Variants in SLC24A3 observed in about 807,000 individuals in gnomAD.
SLC24A3 encodes the protein solute carrier family 24 member 3, also known as sodium/potassium/calcium exchanger 3.
Under a neutral mutation model 75.8 loss-of-function variants are expected in SLC24A3, and 28 were observed. The ratio of observed to expected loss-of-function variants is 0.37; its 90% CI spans 0.27 to 0.51. The LOEUF is 0.51. Among genes scored for constraint, SLC24A3 ranks in the 20% least tolerant of loss-of-function variants. The pLI, the probability that SLC24A3 is intolerant of heterozygous loss-of-function variation, is 0.94. For synonymous variants in SLC24A3, 372 were observed against 334.1 expected (o/e 1.11, Z -1.24); for missense variants, 663 against 847.8 (o/e 0.78, Z 2.71).
In SLC24A3 at chr20:19,381,645, T is replaced by C. The variant is rs146479407; in HGVS notation, c.271+100558T>C. Among the ~76,000 whole-genome samples the C allele has an allele frequency of 1.8e-4, 27 of 152,346 alleles. No individual in the cohort carries two copies. The East Asian group carries it at 3.7e-3, about 21-fold the overall frequency. On this transcript the variant is annotated intron_variant, in intron 2 of 16. Transcript: ENST00000328041. ...CTTCCAGGAGAAGGAGATGAGCAGC[T>C]CTGATAGAGTAGCATCCGCTTTCAA...
At chr20:19,658,452 C>G (rs2032289860) in intron 7 of SLC24A3, among the ~76,000 whole-genome samples, 2 of 152,208 alleles carry the variant, frequency 1.3e-5, no homozygotes, top group South Asian at 4.1e-4. Flanking sequence ...CGATCCACTT[C>G]CCTATTCGGG....
chr20:19,391,315 A>G (rs976007530), intron 2 of SLC24A3, among the ~76,000 whole-genome samples: 2 of 152,168 alleles, frequency 1.3e-5, no homozygotes, highest in Non-Finnish European at 2.9e-5. Context: ...TGACTGAGTA[A>G]CTATGGGTGA....
At chr20:19,436,868 C>G (rs940891575) in intron 2 of SLC24A3, among the ~76,000 whole-genome samples, 1 of 152,196 alleles carries the variant, frequency 6.6e-6, no homozygotes, top group Non-Finnish European at 1.5e-5. Flanking sequence ...CATGTCTCCA[C>G]TTTTGATCAA....
At chr20:19,575,973 G>A (rs1193616690) in intron 3 of SLC24A3, among the ~76,000 whole-genome samples, 1 of 152,110 alleles carries the variant, frequency 6.6e-6, no homozygotes, top group East Asian at 1.9e-4. Flanking sequence ...GAGATAGCTG[G>A]GCTCTGTGGG....
At chr20:19,466,927 C>T (rs189481074) in intron 2 of SLC24A3, among the ~76,000 whole-genome samples, 15 of 152,190 alleles carry the variant, frequency 9.9e-5, no homozygotes, top group African/African-American at 2.9e-4. Context: ...TCTGGGCACA[C>T]TGAGGAATAA....
chr20:19,581,525 T>C (rs2031218174), intron 4 of SLC24A3, among the ~76,000 whole-genome samples: 1 of 152,152 alleles, frequency 6.6e-6, no homozygotes, highest in Non-Finnish European at 1.5e-5. Context: ...TGTGAGTCTT[T>C]TAACAAAAAA....
At chr20:19,412,892 T>C (rs1303515332) in intron 2 of SLC24A3, among the ~76,000 whole-genome samples, 1 of 152,202 alleles carries the variant, frequency 6.6e-6, no homozygotes. Context: ...TTCTCTTTGA[T>C]GTATCTCTGT....
chr20:19,267,546 A>G (rs1309751505), intron 1 of SLC24A3, among the ~76,000 whole-genome samples: 1 of 152,210 alleles, frequency 6.6e-6, no homozygotes. Context: ...ATTGAATTTT[A>G]ATTTCAATTT....
intron 7 of SLC24A3, among the ~76,000 whole-genome samples, chr20:19,661,314 T>C (rs2032323780): frequency 6.6e-6 from 1 of 152,168 alleles, no homozygotes; most frequent in Non-Finnish European, 1.5e-5. Context: ...ATCAAGCCTA[T>C]AAGACATCCT....
At chr20:19,393,447 G>A (rs562770449) in intron 2 of SLC24A3, among the ~76,000 whole-genome samples, 2 of 152,112 alleles carry the variant, frequency 1.3e-5, no homozygotes, top group South Asian at 2.1e-4. Context: ...TCTGTCATAG[G>A]CAACATGATC....
chr20:19,400,167 T>C (rs1334596254), intron 2 of SLC24A3, among the ~76,000 whole-genome samples: 1 of 152,222 alleles, frequency 6.6e-6, no homozygotes, highest in African/African-American at 2.4e-5. Flanking sequence ...GTTTTTCTAC[T>C]CCTTTGTACA....
At chr20:19,589,667 C>T (rs1008688171) in intron 6 of SLC24A3, among the ~76,000 whole-genome samples, 2 of 152,202 alleles carry the variant, frequency 1.3e-5, no homozygotes, top group Non-Finnish European at 2.9e-5. Flanking sequence ...AGGGCCAGGA[C>T]ATCTTGCATT....
intron 2 of SLC24A3, among the ~76,000 whole-genome samples, chr20:19,349,396 A>G (rs906724220): frequency 6.6e-6 from 1 of 152,068 alleles, no homozygotes; most frequent in African/African-American, 2.4e-5. Flanking sequence ...AGGCGTTACT[A>G]CTTAGTATGT....
intron 2 of SLC24A3, among the ~76,000 whole-genome samples, chr20:19,293,978 G>A (rs1568581328): frequency 6.6e-6 from 1 of 152,154 alleles, no homozygotes; most frequent in East Asian, 1.9e-4. Flanking sequence ...ATATAAAATG[G>A]CATAGCATTT....
At chr20:19,565,528 C>T (rs557355909) in intron 3 of SLC24A3, among the ~76,000 whole-genome samples, 5 of 152,144 alleles carry the variant, frequency 3.3e-5, no homozygotes, top group Non-Finnish European at 5.9e-5. Flanking sequence ...TGAGGTGTCA[C>T]CTGGCATCAC....
intron 2 of SLC24A3, among the ~76,000 whole-genome samples, chr20:19,450,532 C>T (rs1437320236): frequency 6.6e-6 from 1 of 152,152 alleles, no homozygotes; most frequent in Non-Finnish European, 1.5e-5. Context: ...GTTACCTTTG[C>T]ACCTGCCCAG....
At chr20:19,441,542 G>A (rs1987299398) in intron 2 of SLC24A3, among the ~76,000 whole-genome samples, 1 of 152,102 alleles carries the variant, frequency 6.6e-6, no homozygotes, top group African/African-American at 2.4e-5. Context: ...TAGTTTTAGA[G>A]TTACAGAAAA....
At chr20:19,315,028 A>G (rs1030273786) in intron 2 of SLC24A3, among the ~76,000 whole-genome samples, 1 of 152,228 alleles carries the variant, frequency 6.6e-6, no homozygotes, top group Non-Finnish European at 1.5e-5. Context: ...TCTAGGTGGT[A>G]GGGCCAGTGT....
At position 19,282,646 on chromosome 20, in the gene SLC24A3, T is replaced by C. The variant is rs1600410169; in HGVS notation, c.271+1559T>C. ...CTCCAACTAATAAGCTAATTAGGAT[T>C]AATCAGCTAATAGTATTAGAAAGCC... On this transcript the variant is annotated intron_variant, in intron 2 of 16. Transcript: ENST00000328041. 2.6e-5 allele frequency among the ~76,000 whole-genome samples: 4 copies of C among 152,366 alleles called. No individual in the cohort carries two copies. The South Asian group carries it at 8.3e-4, about 32-fold the overall frequency.
Sources: allele counts gnomAD v4.1 joint callset (sites outside exome capture counted in the v4.1 genomes callset), GRCh38; gene constraint gnomAD v4.1.1; transcripts MANE v1.5; gene names NCBI Gene and HGNC (gene_info 2026-07-23, HGNC 2026-07-21).